IPO11: variants seen among roughly 807,000 people sequenced by gnomAD.
IPO11 encodes the protein importin 11.
A neutral mutation model predicts 143.2 loss-of-function variants in IPO11; 66 were observed. The ratio of observed to expected loss-of-function variants is 0.46; its 90% confidence interval spans 0.38 to 0.57. The LOEUF (loss-of-function observed/expected upper bound fraction) is 0.57. IPO11 is among the 20% of genes least tolerant of loss of function. IPO11 has a pLI of 0.00. For missense variants in IPO11, 1,026 were observed against 1,141.0 expected (o/e 0.90, Z 1.45); for synonymous variants, 385 against 377.8 (o/e 1.02, Z -0.22).
chr5:62,481,874 C>T (rs969907321), intron 9 of IPO11, among the ~76,000 whole-genome samples: 1 of 152,176 alleles, frequency 6.6e-6, no homozygotes, highest in Non-Finnish European at 1.5e-5. Flanking sequence ...GTACCAGCTC[C>T]TCTTTGTACC....
At chr5:62,423,718 G>C (rs1215733250) in intron 1 of IPO11, among the ~76,000 whole-genome samples, 1 of 152,124 alleles carries the variant, frequency 6.6e-6, no homozygotes, top group Non-Finnish European at 1.5e-5. Flanking sequence ...CTAGAAGCTT[G>C]GTCAGATTCA....
At chr5:62,531,644 C>G (rs780226111) in intron 22 of IPO11, among the ~76,000 whole-genome samples, 2 of 152,114 alleles carry the variant, frequency 1.3e-5, no homozygotes, top group Admixed American at 1.3e-4. Context: ...GAATGACACA[C>G]TGGAAAAAAT....
chr5:62,609,472 G>A (rs1180178627), intron 29 of IPO11, among the ~76,000 whole-genome samples: 1 of 152,202 alleles, frequency 6.6e-6, no homozygotes, highest in Non-Finnish European at 1.5e-5. Flanking sequence ...GCTCCCTAGT[G>A]CCTAACAGCA....
chr5:62,447,393 A>G (rs1005138315), intron 3 of IPO11, among the ~76,000 whole-genome samples: 1 of 152,198 alleles, frequency 6.6e-6, no homozygotes, highest in Non-Finnish European at 1.5e-5. Context: ...GGCGTGAGCC[A>G]GTGCCCCCAG....
chr5:62,475,121 G>A (rs1225519338), intron 8 of IPO11, among the ~76,000 whole-genome samples: 2 of 151,952 alleles, frequency 1.3e-5, no homozygotes, highest in African/African-American at 4.8e-5. Context: ...TTGCCAGGCT[G>A]GTCTCAAACT....
Position 62,601,801 on chromosome 5 carries a change from A to T in IPO11, c.2716A>T (p.Thr906Ser). 1 of 1,597,500 alleles carries T rather than the reference A, an allele frequency of 6.3e-7. No homozygotes were observed. ...LMSHLEEPKV[T>S]EDEEPPTEQD... ...GTCTCATCTTGAGGAACCAAAAGTA[A>T]CAGAAGATGAAGAACCACCCACAGA... Residue 906 changes from threonine (T) to serine (S), a missense_variant, in exon 29 of 30, where the codon ACA becomes TCA. By Grantham distance (58) the Thr-to-Ser change is moderately conservative. Coordinates refer to ENST00000325324, the MANE Select transcript of IPO11 (RefSeq NM_016338.5).
intron 28 of IPO11, chr5:62,601,317 G>A (rs1323824988): frequency 6.5e-6 from 1 of 152,708 alleles, no homozygotes; most frequent in African/African-American, 2.4e-5. Context: ...CATGTCATTT[G>A]GAACACAAGG....
intron 20 of IPO11, among the ~76,000 whole-genome samples, chr5:62,517,654 T>G (rs966361058): frequency 5.3e-5 from 8 of 152,158 alleles, no homozygotes; most frequent in African/African-American, 1.9e-4. Context: ...TTGCTTGCCT[T>G]GGCCTCCCAA....
At chr5:62,489,167 G>A (rs1746516236) in intron 13 of IPO11, 135 bp from the exon 14 acceptor site, 1 of 473,288 alleles carries the variant, frequency 2.1e-6, no homozygotes, top group African/African-American at 2.0e-5. Flanking sequence ...TTGTACTTGT[G>A]TCCATTTTTG....
chr5:62,544,984 G>C (rs888170483), intron 24 of IPO11, among the ~76,000 whole-genome samples: 1 of 152,152 alleles, frequency 6.6e-6, no homozygotes, highest in Non-Finnish European at 1.5e-5. Context: ...CATGCTCATG[G>C]ATAGGAAGAA....
At chr5:62,464,830 T>C (rs979395554) in intron 5 of IPO11, among the ~76,000 whole-genome samples, 4 of 152,218 alleles carry the variant, frequency 2.6e-5, no homozygotes, top group Non-Finnish European at 5.9e-5. Context: ...ACAAAAAATT[T>C]CAATATAAAG....
chr5:62,476,576 G>T, intron 8 of IPO11, 107 bp from the exon 9 acceptor site: 1 of 1,202,058 alleles, frequency 8.3e-7, no homozygotes, highest in Non-Finnish European at 1.1e-6. Flanking sequence ...AATTCATAAT[G>T]CAAAATATGC....
intron 29 of IPO11, among the ~76,000 whole-genome samples, chr5:62,608,414 T>A (rs1317475996): frequency 6.6e-6 from 1 of 152,256 alleles, no homozygotes; most frequent in Non-Finnish European, 1.5e-5. Flanking sequence ...TTTTGGTATA[T>A]AACCAGGGTT....
chr5:62,516,640 A>C (rs1742030780), intron 20 of IPO11, among the ~76,000 whole-genome samples: 1 of 152,174 alleles, frequency 6.6e-6, no homozygotes. Flanking sequence ...ATTCCTGTTT[A>C]AGGCAATTTC....
chr5:62,462,070 A>G (rs1355949282), intron 5 of IPO11, among the ~76,000 whole-genome samples: 2 of 152,216 alleles, frequency 1.3e-5, no homozygotes, highest in East Asian at 3.8e-4. Context: ...ATCGAGATCT[A>G]ACTTTGCCAT....
At chr5:62,624,901 C>T (rs796616791) in intron 29 of IPO11, among the ~76,000 whole-genome samples, 3 of 148,064 alleles carry the variant, frequency 2.0e-5, no homozygotes, top group African/African-American at 7.5e-5. Flanking sequence ...AGGAGAATGG[C>T]GTGAACCCAG....
chr5:62,431,984 C>G (rs1744007128), intron 1 of IPO11, among the ~76,000 whole-genome samples: 1 of 150,870 alleles, frequency 6.6e-6, no homozygotes. Context: ...GCATGCAGAC[C>G]TGTACCCTGC....
intron 19 of IPO11, among the ~76,000 whole-genome samples, chr5:62,510,357 A>C (rs1741702925): frequency 6.6e-6 from 1 of 152,220 alleles, no homozygotes; most frequent in East Asian, 1.9e-4. Context: ...CTTCATTAGT[A>C]AGTTTCATCA....
chr5:62,540,018 T>G (rs568090403), intron 24 of IPO11, among the ~76,000 whole-genome samples: 1 of 152,256 alleles, frequency 6.6e-6, no homozygotes, highest in Admixed American at 6.5e-5. Context: ...TTTTTCTGTA[T>G]GTATGCCTGT....
Sources: allele counts gnomAD v4.1 joint callset (sites outside exome capture counted in the v4.1 genomes callset), GRCh38; gene constraint gnomAD v4.1.1; transcripts MANE v1.5; gene names NCBI Gene and HGNC (gene_info 2026-07-23, HGNC 2026-07-21).